Variants in MYLK observed in about 807,000 individuals in gnomAD.
MYLK encodes myosin light chain kinase.
MYLK carries 106 observed loss-of-function variants against 203.4 expected under a neutral mutation model. The ratio of observed to expected loss-of-function variants is 0.52; its 90% CI spans 0.45 to 0.61. The LOEUF is 0.61. Among genes scored for constraint, MYLK ranks in the 20% least tolerant of loss-of-function variants. The pLI, the probability that MYLK is intolerant of heterozygous loss-of-function variation, is 0.00. For synonymous variants in MYLK, 867 were observed against 959.5 expected, an observed-to-expected ratio of 0.90 and a Z score of 1.78; for missense variants, 2,072 against 2,442.3, an observed-to-expected ratio of 0.85 and a Z score of 3.20.
chr3:123,779,176 G>C (rs554453043), intron 4 of MYLK, among the ~76,000 whole-genome samples: 1 of 152,210 alleles, frequency 6.6e-6, no homozygotes, highest in Non-Finnish European at 1.5e-5. Flanking sequence ...CTGTCCTCTA[G>C]CTCAACAGAG....
chr3:123,670,607 C>A (rs2059884245), intron 20 of MYLK, among the ~76,000 whole-genome samples: 1 of 151,978 alleles, frequency 6.6e-6, no homozygotes, highest in South Asian at 2.1e-4. Flanking sequence ...ATAATAAAAA[C>A]AGCCAGGTAT....
chr3:123,812,772 G>C (rs1290897980), intron 3 of MYLK, among the ~76,000 whole-genome samples: 1 of 152,162 alleles, frequency 6.6e-6, no homozygotes, highest in African/African-American at 2.4e-5. Flanking sequence ...CCGTTGACTG[G>C]GGGCCCCACT....
In MYLK at chr3:123,765,261, G is replaced by A. The variant is rs192369246; in HGVS notation, c.166-12723C>T. The stretch of plus-strand genomic sequence containing the variant: ...AATTTGTACACCCAGGTTGGGTGTC[G>A]TGGCTCACACCTGTAATCCAGCACT... On this transcript the variant is annotated intron_variant, in intron 4 of 33. Coordinates refer to ENST00000360304, the MANE Select transcript of MYLK (RefSeq NM_053025.4). Among the ~76,000 whole-genome samples the A allele has an allele frequency of 3.9e-5, 6 of 152,258 alleles. No homozygotes were observed. The East Asian group carries it at 5.8e-4, about 15-fold the overall frequency.
At chr3:123,866,515 A>C (rs190206348) in intron 2 of MYLK, among the ~76,000 whole-genome samples, 1 of 152,348 alleles carries the variant, frequency 6.6e-6, no homozygotes, top group Admixed American at 6.5e-5. Flanking sequence ...AGGAAAATAC[A>C]TAAAATGTAA....
chr3:123,650,978 C>G (rs1350554432), intron 24 of MYLK, among the ~76,000 whole-genome samples: 1 of 152,178 alleles, frequency 6.6e-6, no homozygotes, highest in Non-Finnish European at 1.5e-5. Flanking sequence ...GGGGTGAGTA[C>G]TGGGTAGCTG....
intron 16 of MYLK, among the ~76,000 whole-genome samples, chr3:123,706,774 A>G (rs2061476770): frequency 7.1e-6 from 1 of 141,032 alleles, no homozygotes; most frequent in African/African-American, 3.2e-5. Flanking sequence ...GCCTCATGGA[A>G]ATGTAGCAGT....
At chr3:123,625,652 C>CA (rs2058107323) in intron 31 of MYLK, among the ~76,000 whole-genome samples, 1 of 151,326 alleles carries the variant, frequency 6.6e-6, no homozygotes, top group African/African-American at 2.4e-5. Context: ...ACTAAAAATA[C>CA]AAAAAATTAG....
chr3:123,688,279 G>T (rs188004475), intron 19 of MYLK, among the ~76,000 whole-genome samples: 1 of 152,050 alleles, frequency 6.6e-6, no homozygotes, highest in Non-Finnish European at 1.5e-5. Flanking sequence ...TGACAGGACC[G>T]CTTGAGAGGT....
chr3:123,693,892 T>G (rs1486490345), intron 18 of MYLK, among the ~76,000 whole-genome samples: 1 of 152,112 alleles, frequency 6.6e-6, no homozygotes, highest in Non-Finnish European at 1.5e-5. Context: ...GAAGCAACCG[T>G]CACACAGGAG....
chr3:123,718,416 T>A (rs1284681009), intron 13 of MYLK, among the ~76,000 whole-genome samples: 4 of 152,180 alleles, frequency 2.6e-5, no homozygotes, highest in African/African-American at 7.2e-5. Context: ...TAGAGTAAAA[T>A]GAAAGTGAAT....
chr3:123,853,011 A>T (rs1378858485), intron 2 of MYLK, among the ~76,000 whole-genome samples: 1 of 152,100 alleles, frequency 6.6e-6, no homozygotes, highest in African/African-American at 2.4e-5. Flanking sequence ...ACCATTTGTT[A>T]AGGCCTCTGA....
intron 4 of MYLK, among the ~76,000 whole-genome samples, chr3:123,787,030 CATAGTT>C (rs2064560184): frequency 6.6e-6 from 1 of 152,132 alleles, no homozygotes; most frequent in Admixed American, 6.5e-5. Context: ...TTCTTTGTAA[CATAGTT>C]ATAGGCACAG....
intron 1 of MYLK, among the ~76,000 whole-genome samples, chr3:123,878,695 A>AT (rs923837383): frequency 1.7e-4 from 25 of 149,734 alleles, no homozygotes; most frequent in Admixed American, 2.7e-4. Context: ...TACTACTTGG[A>AT]TTTTTTTTTT....
At chr3:123,822,541 G>A (rs2065972618) in intron 3 of MYLK, among the ~76,000 whole-genome samples, 1 of 152,166 alleles carries the variant, frequency 6.6e-6, no homozygotes, top group South Asian at 2.1e-4. Context: ...TACAGAGTAT[G>A]GTAAAGAATC....
In MYLK at chr3:123,700,556, A is replaced by C; in HGVS notation, c.2912T>G (p.Val971Gly). 1 of 1,613,538 alleles carries C rather than the reference A, an allele frequency of 6.2e-7. No homozygotes were observed. Among genetic ancestry groups the C allele is most frequent in the Non-Finnish European group, 8.5e-7 (1 of 1,179,806 alleles). The stretch of plus-strand genomic sequence containing the variant: ...CGGGGTGGCAGGTTTTGGCGGTGGC[A>C]CCTTCTCAGGCACGGGGGTCTTGGA... ...GTSKTPVPEK[V>G]PPPKPATPDF... Residue 971 changes from valine to glycine, a missense_variant, in exon 18 of 34, where the codon GTG becomes GGG. Physicochemically the swap from Val to Gly is moderately radical, Grantham distance 109. Transcript: ENST00000360304.
intron 24 of MYLK, among the ~76,000 whole-genome samples, chr3:123,656,184 C>G (rs1320657502): frequency 1.3e-5 from 2 of 152,132 alleles, no homozygotes; most frequent in Admixed American, 1.3e-4. Context: ...ATCTGAATCC[C>G]CAAGGAGTGG....
At chr3:123,815,255 T>A (rs1461679368) in intron 3 of MYLK, among the ~76,000 whole-genome samples, 2 of 152,154 alleles carry the variant, frequency 1.3e-5, no homozygotes, top group Non-Finnish European at 2.9e-5. Context: ...AGTATTTTAC[T>A]CTCCTGCCTC....
chr3:123,834,530 G>A (rs761581478), intron 2 of MYLK, among the ~76,000 whole-genome samples: 2 of 152,092 alleles, frequency 1.3e-5, no homozygotes, highest in Non-Finnish European at 2.9e-5. Context: ...GTGCAGGTGG[G>A]TAAAGGTGGT....
intron 13 of MYLK, among the ~76,000 whole-genome samples, chr3:123,714,752 T>C (rs2061834380): frequency 6.6e-6 from 1 of 152,210 alleles, no homozygotes; most frequent in Non-Finnish European, 1.5e-5. Context: ...AGTGCATTTA[T>C]CTGTTGCTCT....
Sources: allele counts gnomAD v4.1 joint callset (sites outside exome capture counted in the v4.1 genomes callset), GRCh38; gene constraint gnomAD v4.1.1; transcripts MANE v1.5; gene names NCBI Gene and HGNC (gene_info 2026-07-23, HGNC 2026-07-21).